Variants in ADD3 observed in about 807,000 individuals in gnomAD.
ADD3 encodes the protein adducin 3.
A neutral mutation model predicts 80.2 loss-of-function variants in ADD3; 25 were observed. That is an observed-to-expected ratio of 0.31 (90% CI 0.23 to 0.44). The LOEUF is 0.44. Ranked by LOEUF, ADD3 falls within the 20% of genes least tolerant of loss-of-function variation. The pLI, the probability that ADD3 is intolerant of heterozygous loss-of-function variation, is 1.00. For synonymous variants in ADD3, 284 were observed against 289.6 expected (o/e 0.98, Z 0.20); for missense variants, 829 against 847.5 (o/e 0.98, Z 0.27).
chr10:110,122,258 AGTTTGAAGG>A lies in ADD3; in HGVS notation c.1111_1119del (p.Phe371_Gly373del). The stretch of plus-strand genomic sequence containing the variant: ...CAAAAATGGAAGGTTGGCGAAATTG[AGTTTGAAGG>A]GCTTATGAGGACTCTGGACAACTTG... On this transcript the variant is annotated inframe_deletion, in exon 9 of 15. Transcript: ENST00000356080. The A allele has an allele frequency of 6.2e-7, 1 of 1,614,072 alleles. No homozygotes were observed. Among genetic ancestry groups the A allele is most frequent in the Non-Finnish European group, 8.5e-7 (1 of 1,179,970 alleles).
chr10:110,032,978 T>C (rs1461190743), intron 1 of ADD3, among the ~76,000 whole-genome samples: 2 of 152,212 alleles, frequency 1.3e-5, no homozygotes, highest in Non-Finnish European at 2.9e-5. Flanking sequence ...CTCTCATCCC[T>C]AGGCTTTATA....
chr10:110,063,752 T>TATATA lies in ADD3; in HGVS notation c.-29-36872_-29-36868dup, dbSNP rs1554927000. Reference sequence around the variant, plus strand: ...TATATATTCATTATATATATATATATATATATATATATATATATATATATA... The same window carrying TATATA: ...TATATATTCATTATATATATATATATATATAATATATATATATATATATATATATA... On this transcript the variant is annotated intron_variant, in intron 1 of 14. Coordinates refer to ENST00000356080, the MANE Select transcript of ADD3 (RefSeq NM_016824.5). Among the ~76,000 whole-genome samples the TATATA allele has an allele frequency of 7.9e-3, 413 of 51,966 alleles. 4 individuals carry two copies. The highest frequency in any genetic ancestry group is 0.025 in the African/African-American group (405 of 16,388). 34.1% of individuals were successfully genotyped at this position (51,966 alleles called of 152,430 possible).
At chr10:110,046,025 A>G (rs1856869534) in intron 1 of ADD3, among the ~76,000 whole-genome samples, 1 of 152,222 alleles carries the variant, frequency 6.6e-6, no homozygotes, top group South Asian at 2.1e-4. Context: ...TGTCTAATGC[A>G]GAAATGTAAA....
chr10:110,008,832 C>G (rs572983208), intron 1 of ADD3, among the ~76,000 whole-genome samples: 12 of 152,196 alleles, frequency 7.9e-5, no homozygotes, highest in Non-Finnish European at 1.6e-4. Context: ...CTCCTATAAT[C>G]CGCTTCCCCA....
At position 110,094,220 on chromosome 10, in the gene ADD3, G is replaced by T. The variant is rs183456893; in HGVS notation, c.-29-6405G>T. Among the ~76,000 whole-genome samples the T allele has an allele frequency of 9.9e-5, 15 of 152,162 alleles. No individual in the cohort carries two copies. In the East Asian group the frequency reaches 1.9e-3, roughly 20 times the overall value. On this transcript the variant is annotated intron_variant, in intron 1 of 14. Transcript: ENST00000356080. ...TACATCCATAAACATGGCGTGATGGGTCTGTTTTCTTTCTTATATTTCATT... is the reference window on the plus strand; with the variant it reads ...TACATCCATAAACATGGCGTGATGGTTCTGTTTTCTTTCTTATATTTCATT...
rs79924194 is a variant in ADD3, at chr10:110,034,301, T to A, written c.-30+26002T>A. Among the ~76,000 whole-genome samples the A allele has an allele frequency of 9.4e-3, 1,427 of 152,204 alleles. 20 individuals are homozygous for A. The highest frequency in any genetic ancestry group is 0.029 in the African/African-American group (1,218 of 41,552). ...CATTTTACATAGAAATGTTAATTTC[T>A]ATGGGGTATGTCTTTGAATTGATAT... On this transcript the variant is annotated intron_variant, in intron 1 of 14. Transcript: ENST00000356080.
At chr10:110,073,139 T>TTTC (rs2133671033) in intron 1 of ADD3, among the ~76,000 whole-genome samples, 1 of 103,860 alleles carries the variant, frequency 9.6e-6, no homozygotes, top group African/African-American at 8.4e-5. Context: ...TTTAGTTTTC[T>TTTC]TTTTTTTTTT....
intron 1 of ADD3, among the ~76,000 whole-genome samples, chr10:110,087,028 T>G (rs1455655605): frequency 6.6e-6 from 1 of 151,188 alleles, no homozygotes. Flanking sequence ...TGGCTTTTAT[T>G]TTTTTTTTAT....
chr10:110,092,293 A>G (rs1035722945), intron 1 of ADD3, among the ~76,000 whole-genome samples: 3 of 152,208 alleles, frequency 2.0e-5, no homozygotes, highest in African/African-American at 4.8e-5. Context: ...ACTATCCACA[A>G]TAGCAAAGAC....
chr10:110,120,626 C>G (rs1232840591), intron 8 of ADD3, among the ~76,000 whole-genome samples: 3 of 152,052 alleles, frequency 2.0e-5, no homozygotes, highest in African/African-American at 7.2e-5. Flanking sequence ...ATTTCTAGTT[C>G]AAGATCCCTG....
At chr10:110,019,503 C>T (rs960229588) in intron 1 of ADD3, among the ~76,000 whole-genome samples, 3 of 152,056 alleles carry the variant, frequency 2.0e-5, no homozygotes, top group Admixed American at 6.5e-5. Context: ...TACAGGCACC[C>T]GCCACCACGC....
chr10:110,050,307 T>C (rs1029656948), intron 1 of ADD3, among the ~76,000 whole-genome samples: 19 of 151,990 alleles, frequency 1.3e-4, no homozygotes, highest in African/African-American at 4.1e-4. Flanking sequence ...GTGGGAGATA[T>C]TTGAATCATG....
At chr10:110,116,687 C>T (rs60205456) in intron 4 of ADD3, among the ~76,000 whole-genome samples, 9,824 of 152,166 alleles carry the variant, frequency 0.065, 557 homozygotes, top group African/African-American at 0.15. Flanking sequence ...CAAAATTGTC[C>T]CTCTCCATGA....
At chr10:110,028,747 GT>G (rs753425837) in intron 1 of ADD3, among the ~76,000 whole-genome samples, 15 of 152,086 alleles carry the variant, frequency 9.9e-5, no homozygotes, top group Admixed American at 2.0e-4. Flanking sequence ...AAAGAAATGA[GT>G]TTTGCTAATT....
chr10:110,080,121 T>C (rs1845901880), intron 1 of ADD3, among the ~76,000 whole-genome samples: 1 of 152,160 alleles, frequency 6.6e-6, no homozygotes, highest in Non-Finnish European at 1.5e-5. Flanking sequence ...TAGGCCGCAC[T>C]ATCCCAGGCA....
At chr10:110,072,932 T>C (rs1167293057) in intron 1 of ADD3, among the ~76,000 whole-genome samples, 1 of 152,144 alleles carries the variant, frequency 6.6e-6, no homozygotes, top group Non-Finnish European at 1.5e-5. Flanking sequence ...GGTTTACTTT[T>C]TGTCCAGGCC....
At chr10:110,082,246 A>AAAG (rs10690043) in intron 1 of ADD3, among the ~76,000 whole-genome samples, 54,996 of 151,536 alleles carry the variant, frequency 0.36, 15,429 homozygotes, top group African/African-American at 0.78. Flanking sequence ...CTAAAAAAAA[A>AAAG]CTTTGGCTGA....
At chr10:110,050,622 C>T (rs888747380) in intron 1 of ADD3, among the ~76,000 whole-genome samples, 1 of 151,606 alleles carries the variant, frequency 6.6e-6, no homozygotes, top group East Asian at 1.9e-4. Flanking sequence ...AAGCGATTCT[C>T]CTGCCTCAGC....
At chr10:110,100,565 T>C in intron 1 of ADD3, 60 bp from the exon 2 acceptor site, 1 of 1,155,148 alleles carries the variant, frequency 8.7e-7, no homozygotes. Context: ...GCTTGACCCA[T>C]GTAAATTTTG....
Sources: gnomAD v4.1 joint callset for allele counts (sites outside exome capture counted in the v4.1 genomes callset) on GRCh38, gnomAD v4.1.1 for gene constraint, MANE v1.5 for transcripts, NCBI Gene and HGNC (gene_info 2026-07-23, HGNC 2026-07-21) for gene names.